CORO2A: variants seen among roughly 807,000 people sequenced by gnomAD.
CORO2A encodes the protein coronin-2A.
A neutral mutation model predicts 62.4 loss-of-function variants in CORO2A; 47 were observed. That is an observed-to-expected ratio of 0.75 (90% CI 0.60 to 0.96). The LOEUF is 0.96. Among genes scored for constraint, CORO2A ranks in the 40% least tolerant of loss-of-function variants. The probability of loss-of-function intolerance (pLI) is 0.00; values close to 1 mark genes in which losing one functional copy is unlikely to be tolerated. For synonymous variants in CORO2A, 273 were observed against 268.9 expected, an observed-to-expected ratio of 1.02 and a Z score of -0.15; for missense variants, 610 against 684.1, an observed-to-expected ratio of 0.89 and a Z score of 1.21.
At position 98,122,775 on chromosome 9, in the gene CORO2A, C is replaced by A. The variant is rs1827259948; in HGVS notation, c.*1999G>T. ...TCTGTTAACTAGGGCTGAAATCTGC[C>A]CACATCATCCTGCAGGAGGCAGGCT... On this transcript the variant is annotated 3_prime_UTR_variant, in exon 12 of 12. Coordinates refer to ENST00000375077, the MANE Select transcript of CORO2A (RefSeq NM_052820.4). 1.3e-5 allele frequency: 2 copies of A among 152,240 alleles called. No individual in the cohort carries two copies. The highest frequency in any genetic ancestry group is 2.9e-5 in the Non-Finnish European group (2 of 68,096). 9.4% of individuals were successfully genotyped at this position (152,240 alleles called of 1,614,324 possible).
At chr9:98,160,281 T>C (rs1020325984) in intron 1 of CORO2A, among the ~76,000 whole-genome samples, 1 of 152,096 alleles carries the variant, frequency 6.6e-6, no homozygotes, top group Admixed American at 6.6e-5. Context: ...ATGAAAAAGC[T>C]ACAAGAGAAA....
chr9:98,162,581 G>A (rs1350211656), intron 1 of CORO2A, among the ~76,000 whole-genome samples: 1 of 152,200 alleles, frequency 6.6e-6, no homozygotes, highest in East Asian at 1.9e-4. Context: ...CTCTCCCTTT[G>A]TATGTGGCAT....
rs1827272531 is a variant in CORO2A at position 98,123,577 on chromosome 9, C to T, written c.*1197G>A. The T allele has an allele frequency of 6.6e-6, 1 of 151,786 alleles. No homozygotes were observed. 9.4% of individuals were successfully genotyped at this position (151,786 alleles called of 1,614,324 possible). A position where few individuals can be genotyped will look rare whatever the true frequency, so the allele number is the denominator to read the frequency against. On this transcript the variant is annotated 3_prime_UTR_variant, in exon 12 of 12. Coordinates refer to ENST00000375077, the MANE Select transcript of CORO2A (RefSeq NM_052820.4). ...GTCCGCAATCGTGGCTCATAGCAAC[C>T]TCCACCTCCCAGGTTCAAGCAATTC...
intron 1 of CORO2A, among the ~76,000 whole-genome samples, chr9:98,173,390 C>CG (rs1173122840): frequency 6.6e-6 from 1 of 152,136 alleles, no homozygotes; most frequent in African/African-American, 2.4e-5. Flanking sequence ...TGAGTGTGGC[C>CG]GGGGCACTCT....
intron 2 of CORO2A, among the ~76,000 whole-genome samples, chr9:98,145,030 A>T (rs1827624028): frequency 6.6e-6 from 1 of 152,110 alleles, no homozygotes; most frequent in Non-Finnish European, 1.5e-5. Flanking sequence ...GAATGGCAGC[A>T]CTTCTAAAAT....
intron 2 of CORO2A, among the ~76,000 whole-genome samples, chr9:98,147,340 G>A (rs1827655488): frequency 6.6e-6 from 1 of 152,056 alleles, no homozygotes; most frequent in South Asian, 2.1e-4. Context: ...GTAGGGGGCG[G>A]GGGGCAGAGG....
intron 1 of CORO2A, among the ~76,000 whole-genome samples, chr9:98,182,052 C>T (rs1296818352): frequency 6.6e-6 from 1 of 152,154 alleles, no homozygotes; most frequent in Non-Finnish European, 1.5e-5. Flanking sequence ...TCAGCACATT[C>T]TCTACTCTGC....
At chr9:98,137,836 G>A (rs1333713876) in intron 2 of CORO2A, 148 bp from the exon 3 acceptor site, 14 of 647,666 alleles carry the variant, frequency 2.2e-5, no homozygotes, top group Non-Finnish European at 3.9e-5. Context: ...TATTCCCTGT[G>A]GGATCCTGGG....
At chr9:98,179,840 T>C (rs535454570) in intron 1 of CORO2A, among the ~76,000 whole-genome samples, 83 of 151,918 alleles carry the variant, frequency 5.5e-4, no homozygotes, top group South Asian at 2.1e-4. Context: ...CCGTCTCTAC[T>C]AAAAATACAA....
intron 8 of CORO2A, 99 bp from the exon 9 acceptor site, chr9:98,128,818 G>A (rs536589160): frequency 1.1e-6 from 1 of 889,174 alleles, no homozygotes. Flanking sequence ...ACAGAGACCA[G>A]TCTCCTCCCA....
chr9:98,162,449 C>G (rs3780456), intron 1 of CORO2A, among the ~76,000 whole-genome samples: 14,781 of 152,224 alleles, frequency 0.097, 974 homozygotes, highest in East Asian at 0.31. Context: ...CCCTTCTGTC[C>G]GTCCCCCAAT....
At chr9:98,179,883 AT>A (rs1828154970) in intron 1 of CORO2A, among the ~76,000 whole-genome samples, 1 of 152,036 alleles carries the variant, frequency 6.6e-6, no homozygotes, top group South Asian at 2.1e-4. Flanking sequence ...GGTGCCTGTA[AT>A]CCCAGCTACT....
chr9:98,126,856 G>T (rs1177926028), intron 10 of CORO2A, 33 bp from the exon 11 acceptor site: 1 of 1,613,188 alleles, frequency 6.2e-7, no homozygotes, highest in African/African-American at 1.3e-5. Flanking sequence ...TGAGGACGGG[G>T]TGCCCACGGG....
chr9:98,189,408 C>T (rs1828278102), intron 1 of CORO2A, among the ~76,000 whole-genome samples: 1 of 152,204 alleles, frequency 6.6e-6, no homozygotes, highest in Non-Finnish European at 1.5e-5. Context: ...GATAAAAACA[C>T]ACCAACTTCT....
chr9:98,168,782 C>A (rs1280459935), intron 1 of CORO2A, among the ~76,000 whole-genome samples: 1 of 152,240 alleles, frequency 6.6e-6, no homozygotes, highest in Non-Finnish European at 1.5e-5. Context: ...AAATCCCAAA[C>A]CAGAAAGCAT....
At position 98,165,369 on chromosome 9, in the gene CORO2A, T is replaced by C. The variant is rs148752497; in HGVS notation, c.1-7709A>G. 3.4e-3 allele frequency among the ~76,000 whole-genome samples: 524 copies of C among 152,266 alleles called. 1 individual carries two copies. Among genetic ancestry groups the C allele is most frequent in the African/African-American group, 0.012 (494 of 41,540 alleles). On this transcript the variant is annotated intron_variant, in intron 1 of 11. Coordinates refer to ENST00000375077, the MANE Select transcript of CORO2A (RefSeq NM_052820.4). ...TTAAAGGGCCCAACATACCGAACCA[T>C]AGAATAGAAATTTCAAAGCAGAATA...
intron 6 of CORO2A, 126 bp downstream of exon 6, chr9:98,132,059 C>T: frequency 6.3e-6 from 5 of 794,414 alleles, no homozygotes; most frequent in Non-Finnish European, 1.1e-5. Context: ...CCCCGGATCC[C>T]CAGCACCTGG....
chr9:98,121,267 G>A lies in CORO2A; in HGVS notation c.*3507C>T, dbSNP rs1827241179. 3.3e-5 allele frequency: 5 copies of A among 152,184 alleles called. No homozygotes were observed. The highest frequency in any genetic ancestry group is 3.3e-4 in the Admixed American group (5 of 15,278). The allele number at this position is 152,184 out of a possible 1,614,324, so 9.4% of individuals were successfully genotyped here. On this transcript the variant is annotated 3_prime_UTR_variant, in exon 12 of 12. Coordinates refer to ENST00000375077, the MANE Select transcript of CORO2A (RefSeq NM_052820.4). ...TACCTGCCAAAGCTCATCTCCTAGT[G>A]CTGTCCTCATTCTCAGAAAGTTCCT...
intron 1 of CORO2A, among the ~76,000 whole-genome samples, chr9:98,168,011 A>G (rs1827984278): frequency 6.6e-6 from 1 of 152,238 alleles, no homozygotes; most frequent in South Asian, 2.1e-4. Context: ...GAGAGCACAG[A>G]GGTGGCCCAG....
Sources: allele counts gnomAD v4.1 joint callset (sites outside exome capture counted in the v4.1 genomes callset), GRCh38; gene constraint gnomAD v4.1.1; transcripts MANE v1.5; gene names NCBI Gene and HGNC (gene_info 2026-07-23, HGNC 2026-07-21).